TRIM56: variants seen among roughly 807,000 people sequenced by gnomAD.
TRIM56 encodes the protein tripartite motif containing 56.
TRIM56 carries 10 observed loss-of-function variants against 17.1 expected under a neutral mutation model. That is an observed-to-expected ratio of 0.58 (90% CI 0.36 to 0.99). The LOEUF (loss-of-function observed/expected upper bound fraction) is 0.99. TRIM56 is among the 50% of genes least tolerant of loss of function. TRIM56 has a pLI of 0.01. For missense variants in TRIM56, 923 were observed against 1,052.3 expected (o/e 0.88, Z 1.70); for synonymous variants, 503 against 473.5 (o/e 1.06, Z -0.81).
At position 101,088,615 on chromosome 7, in the gene TRIM56, T is replaced by C. The variant is rs61730716; in HGVS notation, c.1303T>C (p.Leu435=). The change falls in exon 3 of 3, where the codon TTG becomes CTG. Residue 435 remains leucine, a synonymous_variant. Transcript: ENST00000306085. ...AACCCGAGAAGAGGGAGCCCAGACC[T>C]TGGAGGAGGACAGGGCCCAGACACC... The part of the protein sequence containing the change: ...QTTREEGAQT[L]EEDRAQTPHE... 0.071 allele frequency: 113,876 copies of C among 1,613,256 alleles called. 4,954 individuals carry two copies. The highest frequency in any genetic ancestry group is 0.19 in the African/African-American group (14,438 of 74,752).
chr7:101,096,832 G>T lies in TRIM56; in HGVS notation c.*7252G>T, dbSNP rs1795660118. ...TGCTTTCCAGCAGTTACTTGAAGAA[G>T]CCTTATCTGAAGTCACAACAGTGAC... On this transcript the variant is annotated 3_prime_UTR_variant, in exon 3 of 3. Transcript: ENST00000306085. The T allele has an allele frequency of 6.6e-6, 1 of 152,184 alleles. No individual in the cohort carries two copies. Among genetic ancestry groups the T allele is most frequent in the Admixed American group, 6.6e-5 (1 of 15,264 alleles). The allele number at this position is 152,184 out of a possible 1,614,324, so 9.4% of individuals were successfully genotyped here.
intron 1 of TRIM56, among the ~76,000 whole-genome samples, chr7:101,085,948 A>G (rs1795439409): frequency 6.6e-6 from 1 of 152,316 alleles, no homozygotes; most frequent in African/African-American, 2.4e-5. Flanking sequence ...CCAGGAGATA[A>G]GCCAAGGCCA....
At position 101,090,491 on chromosome 7, in the gene TRIM56, G is replaced by C. The variant is rs1795542024; in HGVS notation, c.*911G>C. 1 of 150,820 alleles carries C rather than the reference G, an allele frequency of 6.6e-6. No individual in the cohort carries two copies. Among genetic ancestry groups the C allele is most frequent in the Non-Finnish European group, 1.5e-5 (1 of 67,908 alleles). 9.3% of individuals were successfully genotyped at this position (150,820 alleles called of 1,614,324 possible). On this transcript the variant is annotated 3_prime_UTR_variant, in exon 3 of 3. Coordinates refer to ENST00000306085, the MANE Select transcript of TRIM56 (RefSeq NM_030961.3). The stretch of plus-strand genomic sequence containing the variant: ...GATTAAAAATTAGCTGCGTGTAGTA[G>C]CATATGCCTTTCAACGTAGCTACTC...
rs1440447156 is a variant in TRIM56, at chr7:101,090,292, T to A, written c.*712T>A. 6.0e-6 allele frequency: 1 copy of A among 166,876 alleles called. No homozygotes were observed. Among genetic ancestry groups the A allele is most frequent in the Non-Finnish European group, 1.5e-5 (1 of 68,112 alleles). 10.3% of individuals were successfully genotyped at this position (166,876 alleles called of 1,614,324 possible). On this transcript the variant is annotated 3_prime_UTR_variant, in exon 3 of 3. Transcript: ENST00000306085. The stretch of plus-strand genomic sequence containing the variant: ...CACGTCCAAAAATCCACATTCTCCA[T>A]CGCTTCTCAGCCTTTTGGCTAAGAT...
rs373704199 is a variant in TRIM56 at position 101,089,418 on chromosome 7, G to A, written c.2106G>A (p.Val702=). Residue 702 remains valine (V), a synonymous_variant, in exon 3 of 3, where the codon GTG becomes GTA. Transcript: ENST00000306085. ...TGACCCTTCGAGAAGTCAACAAGGTGGTGATCCTGGACCCGAAGGGGTCCC... is the reference window on the plus strand; with the variant it reads ...TGACCCTTCGAGAAGTCAACAAGGTAGTGATCCTGGACCCGAAGGGGTCCC... ...IFLTLREVNK[V]VILDPKGSLL... 6 of 1,614,092 alleles carry A rather than the reference G, an allele frequency of 3.7e-6. No homozygotes were observed. Among genetic ancestry groups the A allele is most frequent in the Non-Finnish European group, 5.1e-6 (6 of 1,180,018 alleles).
At position 101,089,330 on chromosome 7, in the gene TRIM56, G is replaced by A; in HGVS notation, c.2018G>A (p.Gly673Glu). The A allele has an allele frequency of 6.2e-7, 1 of 1,606,288 alleles. No individual in the cohort carries two copies. Among genetic ancestry groups the A allele is most frequent in the Non-Finnish European group, 8.5e-7 (1 of 1,174,372 alleles). Residue 673 changes from glycine to glutamate, a missense_variant, in exon 3 of 3, where the codon GGG (glycine) becomes GAG (glutamate). Coordinates refer to ENST00000306085, the MANE Select transcript of TRIM56 (RefSeq NM_030961.3). ...GGCCAGGTGGTTGGGGAGTACAAGG[G>A]GCCAGGCCTGCATGGCTGCCAGCCG... Reference protein sequence around the residue: ...GLGQVVGEYKGPGLHGCQPGS... With the variant: ...GLGQVVGEYKEPGLHGCQPGS...
At position 101,087,935 on chromosome 7, in the gene TRIM56, C is replaced by G. The variant is rs1391639003; in HGVS notation, c.623C>G (p.Ala208Gly). Residue 208 changes from alanine (A) to glycine (G), a missense_variant, in exon 3 of 3, where the codon GCT (alanine) becomes GGT (glycine). Physicochemically the swap from Ala to Gly is moderately conservative, Grantham distance 60. Around this residue, in one of 3 missense-constraint regions of TRIM56, gnomAD observed 643 missense variants for 665.6 expected, o/e 0.97. Coordinates refer to ENST00000306085, the MANE Select transcript of TRIM56 (RefSeq NM_030961.3). ...CACCCCTGCCTGCCTCTGGCTGAAGCTGTGCGTGCCCGGAGGCCGGGCCTG... is the reference window on the plus strand; with the variant it reads ...CACCCCTGCCTGCCTCTGGCTGAAGGTGTGCGTGCCCGGAGGCCGGGCCTG... Reference protein sequence around the residue: ...LDHPCLPLAEAVRARRPGLEG... With the variant: ...LDHPCLPLAEGVRARRPGLEG... 3.7e-6 allele frequency: 6 copies of G among 1,600,444 alleles called. No homozygotes were observed. The highest frequency in any genetic ancestry group is 5.1e-6 in the Non-Finnish European group (6 of 1,177,548).
Position 101,091,644 on chromosome 7 carries a change from T to C in TRIM56, c.*2064T>C. On this transcript the variant is annotated 3_prime_UTR_variant, in exon 3 of 3. Transcript: ENST00000306085. ...TGGGAGGCTGAGGCAGGAGAATCAT[T>C]TGAACCCAGGAGGTGGAAGTTGCAG... is the stretch of plus-strand genomic sequence containing the variant. 1 of 421,454 alleles carries C rather than the reference T, an allele frequency of 2.4e-6. No individual in the cohort carries two copies. The highest frequency in any genetic ancestry group is 4.7e-6 in the Non-Finnish European group (1 of 214,426). The allele number at this position is 421,454 out of a possible 1,614,324, so 26.1% of individuals were successfully genotyped here. A position where few individuals can be genotyped will look rare whatever the true frequency, so the allele number is the denominator to read the frequency against.
In TRIM56 at chr7:101,088,702, AAAGGCAGGCTC is replaced by A; in HGVS notation, c.1394_1404del (p.Gly465ValfsTer58). Reference sequence around the variant, plus strand: ...CAGACCCAACAAGAAGAAAAAGTTCAAAGGCAGGCTCAAGTCAATTTCCCGGGAGCCCAGCC... The same window carrying A: ...CAGACCCAACAAGAAGAAAAAGTTCAAAGTCAATTTCCCGGGAGCCCAGCC... On this transcript the variant is annotated frameshift_variant, in exon 3 of 3. Coordinates refer to ENST00000306085, the MANE Select transcript of TRIM56 (RefSeq NM_030961.3). LOFTEE classifies it high-confidence loss of function. 6.2e-7 allele frequency: 1 copy of A among 1,614,072 alleles called. No individual in the cohort carries two copies. The highest frequency in any genetic ancestry group is 8.5e-7 in the Non-Finnish European group (1 of 1,179,984).
rs1251501008 is a variant in TRIM56 at position 101,090,624 on chromosome 7, A to C, written c.*1044A>C. ...CCATCTCGAAAAAAAAAAAAAAAAAAAAAAACAGAAACAACAGAAAAAGCA... is the reference window on the plus strand; with the variant it reads ...CCATCTCGAAAAAAAAAAAAAAAAACAAAAACAGAAACAACAGAAAAAGCA... On this transcript the variant is annotated 3_prime_UTR_variant, in exon 3 of 3. Transcript: ENST00000306085. The C allele has an allele frequency of 4.2e-4, 63 of 149,308 alleles. No individual in the cohort carries two copies. Among genetic ancestry groups the C allele is most frequent in the Non-Finnish European group, 7.5e-4 (50 of 66,818 alleles). The allele number at this position is 149,308 out of a possible 1,614,324, so 9.2% of individuals were successfully genotyped here.
In TRIM56 at chr7:101,089,967, AGAAGGGCCCAGGGTGGGTCAGGCGT is replaced by A. The variant is rs1333375671; in HGVS notation, c.*389_*413del. 4.8e-6 allele frequency: 1 copy of A among 209,274 alleles called. No homozygotes were observed. The highest frequency in any genetic ancestry group is 5.4e-5 in the Admixed American group (1 of 18,378). 13.0% of individuals were successfully genotyped at this position (209,274 alleles called of 1,614,324 possible). On this transcript the variant is annotated 3_prime_UTR_variant, in exon 3 of 3. Transcript: ENST00000306085. The stretch of plus-strand genomic sequence containing the variant: ...TAGCCGAGGGAGAGTCTTGGGGCCA[AGAAGGGCCCAGGGTGGGTCAGGCGT>A]GTGCACTGTGGAACAGAGCTGAGAC...
chr7:101,089,853 T>G lies in TRIM56; in HGVS notation c.*273T>G. 2.4e-6 allele frequency: 1 copy of G among 425,210 alleles called. No individual in the cohort carries two copies. Among genetic ancestry groups the G allele is most frequent in the East Asian group, 4.3e-5 (1 of 23,458 alleles). The allele number at this position is 425,210 out of a possible 1,614,324, so 26.3% of individuals were successfully genotyped here. A position where few individuals can be genotyped will look rare whatever the true frequency, so the allele number is the denominator to read the frequency against. ...CCTCTTGCTTTTTGTGGGTGGCTGC[T>G]GCCACCACCGCCGCTGCTATATAGT... is the stretch of plus-strand genomic sequence containing the variant. On this transcript the variant is annotated 3_prime_UTR_variant, in exon 3 of 3. Coordinates refer to ENST00000306085, the MANE Select transcript of TRIM56 (RefSeq NM_030961.3).
In TRIM56 at chr7:101,087,600, C is replaced by T. The variant is rs780506479; in HGVS notation, c.288C>T (p.Ala96=). Residue 96 remains alanine, a synonymous_variant, in exon 3 of 3, where the codon GCC becomes GCT. Coordinates refer to ENST00000306085, the MANE Select transcript of TRIM56 (RefSeq NM_030961.3). ...VKARACGDLR[A]GKPACALCPL... is the part of the protein sequence containing the mutation. The stretch of plus-strand genomic sequence containing the variant: ...CCCGGGCCTGTGGAGACCTGCGTGC[C>T]GGGAAGCCAGCCTGTGCCCTGTGTC... 5.0e-6 allele frequency: 8 copies of T among 1,612,264 alleles called. No homozygotes were observed. The highest frequency in any genetic ancestry group is 2.2e-5 in the East Asian group (1 of 44,842).
Position 101,088,242 on chromosome 7 carries a change from C to A in TRIM56, c.930C>A (p.Arg310=), listed in dbSNP as rs1235506258. The A allele has an allele frequency of 6.1e-6, 9 of 1,472,572 alleles. No homozygotes were observed. The highest frequency in any genetic ancestry group is 8.1e-6 in the Non-Finnish European group (9 of 1,117,926). The allele number at this position is 1,472,572 out of a possible 1,614,324, so 91.2% of individuals were successfully genotyped here. A position where few individuals can be genotyped will look rare whatever the true frequency, so the allele number is the denominator to read the frequency against. Residue 310 remains arginine (R), a synonymous_variant, in exon 3 of 3, where the codon CGC becomes CGA. Coordinates refer to ENST00000306085, the MANE Select transcript of TRIM56 (RefSeq NM_030961.3). ...CCAGGGCCGCAGCCGCCTTCGCCCG[C>A]CGGGTACTCAGCCTGGGGCGAGAGG... ...QVARAAAAFA[R]RVLSLGREAE...
At position 101,091,978 on chromosome 7, in the gene TRIM56, C is replaced by G. The variant is rs1370272825; in HGVS notation, c.*2398C>G. 2.6e-5 allele frequency: 8 copies of G among 311,568 alleles called. No individual in the cohort carries two copies. Among genetic ancestry groups the G allele is most frequent in the Non-Finnish European group, 5.1e-5 (8 of 157,814 alleles). 19.3% of individuals were successfully genotyped at this position (311,568 alleles called of 1,614,324 possible). ...GGTTTTCGTATTTTTTTGGTGGAGACGGGGTTTCACTGTGTTGGCCGGGCT... is the reference window on the plus strand; with the variant it reads ...GGTTTTCGTATTTTTTTGGTGGAGAGGGGGTTTCACTGTGTTGGCCGGGCT... On this transcript the variant is annotated 3_prime_UTR_variant, in exon 3 of 3. Coordinates refer to ENST00000306085, the MANE Select transcript of TRIM56 (RefSeq NM_030961.3).
chr7:101,087,125 G>A lies in TRIM56; in HGVS notation c.-45G>A. 1 of 628,060 alleles carries A rather than the reference G, an allele frequency of 1.6e-6. No homozygotes were observed. Among genetic ancestry groups the A allele is most frequent in the South Asian group, 2.0e-5 (1 of 50,196 alleles). 38.9% of individuals were successfully genotyped at this position (628,060 alleles called of 1,614,324 possible). A position where few individuals can be genotyped will look rare whatever the true frequency, so the allele number is the denominator to read the frequency against. ...CAGCTCCTTAGCTCAAGAGCAAGTGGCCCAAGGCCTCAGAAGACTAGAAGG... is the reference window on the plus strand; with the variant it reads ...CAGCTCCTTAGCTCAAGAGCAAGTGACCCAAGGCCTCAGAAGACTAGAAGG... On this transcript the variant is annotated 5_prime_UTR_variant, in exon 2 of 3. Transcript: ENST00000306085.
At position 101,089,586 on chromosome 7, in the gene TRIM56, C is replaced by T; in HGVS notation, c.*6C>T. On this transcript the variant is annotated 3_prime_UTR_variant, in exon 3 of 3. Coordinates refer to ENST00000306085, the MANE Select transcript of TRIM56 (RefSeq NM_030961.3). ...TCCGTTCTCCGGACAGTTAAAGGGG[C>T]TAGGACTAGGGTGAGAGGGAGTGGG... The T allele has an allele frequency of 6.2e-7, 1 of 1,609,724 alleles. No individual in the cohort carries two copies. The highest frequency in any genetic ancestry group is 8.5e-7 in the Non-Finnish European group (1 of 1,177,228).
chr7:101,092,070 G>C lies in TRIM56; in HGVS notation c.*2490G>C. 1 of 301,042 alleles carries C rather than the reference G, an allele frequency of 3.3e-6. No homozygotes were observed. The highest frequency in any genetic ancestry group is 6.3e-6 in the Non-Finnish European group (1 of 157,870). The allele number at this position is 301,042 out of a possible 1,614,324, so 18.6% of individuals were successfully genotyped here. A position where few individuals can be genotyped will look rare whatever the true frequency, so the allele number is the denominator to read the frequency against. ...CTCCGGAGGTGCCGGGATTGCAGAC[G>C]GAGTCTCGTTCACTCGGTGCTCAAT... On this transcript the variant is annotated 3_prime_UTR_variant, in exon 3 of 3. Transcript: ENST00000306085.
At position 101,087,763 on chromosome 7, in the gene TRIM56, G is replaced by T; in HGVS notation, c.451G>T (p.Gly151Cys). 1 of 1,606,196 alleles carries T rather than the reference G, an allele frequency of 6.2e-7. No homozygotes were observed. ...THTHRVVDLV[G>C]YRAGWYDEEA... is the part of the protein sequence containing the mutation. Reference sequence around the variant, plus strand: ...CACCCACCGCGTGGTGGACCTGGTGGGCTACAGGGCCGGGTGGTATGATGA... The same window carrying T: ...CACCCACCGCGTGGTGGACCTGGTGTGCTACAGGGCCGGGTGGTATGATGA... The change falls in exon 3 of 3, where the codon GGC (glycine) becomes TGC (cysteine). Residue 151 changes from glycine to cysteine, a missense_variant. Physicochemically the swap from Gly to Cys is radical, Grantham distance 159. Around this residue, in one of 3 missense-constraint regions of TRIM56, gnomAD observed 643 missense variants for 665.6 expected, o/e 0.97. Coordinates refer to ENST00000306085, the MANE Select transcript of TRIM56 (RefSeq NM_030961.3).
Sources: gnomAD v4.1 joint callset for allele counts (sites outside exome capture counted in the v4.1 genomes callset) on GRCh38, gnomAD v4.1.1 for gene constraint, gnomAD v4.1.1 regional missense constraint, MANE v1.5 for transcripts, NCBI Gene and HGNC (gene_info 2026-07-23, HGNC 2026-07-21) for gene names.